The following SLC24A3 variants were observed in gnomAD, a reference collection of about 807,000 sequenced individuals.
The protein encoded by SLC24A3 is solute carrier family 24 member 3.
SLC24A3 carries 28 observed loss-of-function variants against 75.8 expected under a neutral mutation model. The observed-to-expected ratio is 0.37, with a 90% CI of 0.27 to 0.51. SLC24A3 has a LOEUF of 0.51. Among genes scored for constraint, SLC24A3 ranks in the 20% least tolerant of loss-of-function variants. SLC24A3 has a pLI of 0.94. For synonymous variants in SLC24A3, 372 were observed against 334.1 expected (o/e 1.11, Z -1.24); for missense variants, 663 against 847.8 (o/e 0.78, Z 2.71).
intron 2 of SLC24A3, among the ~76,000 whole-genome samples, chr20:19,321,956 C>T (rs1043078793): frequency 6.6e-6 from 1 of 152,118 alleles, no homozygotes; most frequent in African/African-American, 2.4e-5. Context: ...TGCAGAATGC[C>T]CCATGCTCTG....
At chr20:19,290,871 C>T (rs747539801) in intron 2 of SLC24A3, among the ~76,000 whole-genome samples, 1 of 152,218 alleles carries the variant, frequency 6.6e-6, no homozygotes, top group Non-Finnish European at 1.5e-5. Flanking sequence ...TATGTGTGTT[C>T]AGCACTACTC....
chr20:19,355,162 C>G (rs1289712554), intron 2 of SLC24A3: 1 of 152,238 alleles, frequency 6.6e-6, no homozygotes, highest in Non-Finnish European at 1.5e-5. Flanking sequence ...CTGTCCTCCA[C>G]ATGGCATCAG....
chr20:19,406,918 G>C (rs1986657053), intron 2 of SLC24A3, among the ~76,000 whole-genome samples: 1 of 152,182 alleles, frequency 6.6e-6, no homozygotes, highest in South Asian at 2.1e-4. Flanking sequence ...GATGTGAAGG[G>C]AGGGGTCCAG....
At position 19,304,478 on chromosome 20, in the gene SLC24A3, C is replaced by T. The variant is rs142126384; in HGVS notation, c.271+23391C>T. Among the ~76,000 whole-genome samples the T allele has an allele frequency of 2.4e-3, 364 of 152,212 alleles. 8 individuals carry two copies. The highest frequency in any genetic ancestry group is 0.021 in the South Asian group (103 of 4,832). On this transcript the variant is annotated intron_variant, in intron 2 of 16. Coordinates refer to ENST00000328041, the MANE Select transcript of SLC24A3 (RefSeq NM_020689.4). ...AAGACGTTCCATCTCATTTCCTATT[C>T]GTTAATTTGGTAGGCTTTTTTAATA...
chr20:19,304,262 G>T (rs2122250321), intron 2 of SLC24A3, among the ~76,000 whole-genome samples: 1 of 152,240 alleles, frequency 6.6e-6, no homozygotes, highest in Non-Finnish European at 1.5e-5. Context: ...CTTTTCTAGG[G>T]ATGGGATGGC....
intron 1 of SLC24A3, among the ~76,000 whole-genome samples, chr20:19,239,061 T>A (rs1489404125): frequency 6.6e-6 from 1 of 151,244 alleles, no homozygotes; most frequent in Non-Finnish European, 1.5e-5. Flanking sequence ...GGGAAAAGTG[T>A]TAGTTACACT....
chr20:19,715,287 A>G (rs545336883), intron 15 of SLC24A3, among the ~76,000 whole-genome samples: 1 of 152,182 alleles, frequency 6.6e-6, no homozygotes, highest in African/African-American at 2.4e-5. Context: ...CTTTATACCA[A>G]CCCAGCTGAT....
intron 2 of SLC24A3, among the ~76,000 whole-genome samples, chr20:19,294,413 A>G (rs1010049646): frequency 6.6e-6 from 1 of 152,110 alleles, no homozygotes; most frequent in African/African-American, 2.4e-5. Context: ...TGCATTAGCT[A>G]TTTATCCTGA....
chr20:19,635,816 T>G (rs1368127275), intron 6 of SLC24A3, among the ~76,000 whole-genome samples: 1 of 152,120 alleles, frequency 6.6e-6, no homozygotes, highest in African/African-American at 2.4e-5. Flanking sequence ...TCATGGCAGC[T>G]TAGGGCTCTG....
chr20:19,402,152 A>T (rs1003584685), intron 2 of SLC24A3, among the ~76,000 whole-genome samples: 4 of 152,236 alleles, frequency 2.6e-5, no homozygotes, highest in African/African-American at 9.6e-5. Flanking sequence ...GAGGAAAGAA[A>T]GAATTACTGC....
intron 15 of SLC24A3, among the ~76,000 whole-genome samples, chr20:19,707,320 A>G (rs2032941777): frequency 1.3e-5 from 2 of 152,328 alleles, no homozygotes; most frequent in Admixed American, 6.5e-5. Context: ...CTGCCTCCAC[A>G]GTAGCGGTAA....
At chr20:19,317,599 G>C (rs376859019) in intron 2 of SLC24A3, among the ~76,000 whole-genome samples, 1 of 151,994 alleles carries the variant, frequency 6.6e-6, no homozygotes, top group Admixed American at 6.6e-5. Flanking sequence ...CCCATCCCCC[G>C]CCCCAGGACA....
intron 2 of SLC24A3, among the ~76,000 whole-genome samples, chr20:19,396,157 T>C (rs1355693608): frequency 6.6e-6 from 1 of 152,228 alleles, no homozygotes; most frequent in African/African-American, 2.4e-5. Context: ...TTCTAATGGG[T>C]ATACAAGTTA....
intron 6 of SLC24A3, among the ~76,000 whole-genome samples, chr20:19,609,019 G>A (rs536720726): frequency 2.0e-5 from 3 of 152,238 alleles, no homozygotes; most frequent in Non-Finnish European, 2.9e-5. Flanking sequence ...CACGTACAAA[G>A]GCATTAATGA....
At chr20:19,395,426 C>T (rs1002741477) in intron 2 of SLC24A3, among the ~76,000 whole-genome samples, 2 of 152,180 alleles carry the variant, frequency 1.3e-5, no homozygotes, top group African/African-American at 4.8e-5. Flanking sequence ...TGGTATATAA[C>T]TCTGTCTAGT....
intron 2 of SLC24A3, among the ~76,000 whole-genome samples, chr20:19,296,072 C>T (rs73284606): frequency 0.02 from 3,064 of 152,032 alleles, 39 homozygotes; most frequent in African/African-American, 0.031. Context: ...AACTTATTCC[C>T]GGTTCAATCT....
At chr20:19,333,832 A>G (rs11697768) in intron 2 of SLC24A3, among the ~76,000 whole-genome samples, 47,424 of 152,018 alleles carry the variant, frequency 0.31, 7,913 homozygotes, top group Middle Eastern at 0.52. Flanking sequence ...TCCACCACAC[A>G]TGACTTGGTC....
At chr20:19,464,983 A>C (rs78467551) in intron 2 of SLC24A3, among the ~76,000 whole-genome samples, 6,533 of 152,312 alleles carry the variant, frequency 0.043, 460 homozygotes, top group African/African-American at 0.15. Context: ...TGTACCATCC[A>C]GTATGATAGC....
intron 1 of SLC24A3, chr20:19,244,269 A>C (rs1269511852): frequency 6.6e-6 from 1 of 152,180 alleles, no homozygotes; most frequent in Non-Finnish European, 1.5e-5. Flanking sequence ...CGTGCCTGGT[A>C]GGGCTACAAT....
Sources: allele counts gnomAD v4.1 joint callset (sites outside exome capture counted in the v4.1 genomes callset), GRCh38; gene constraint gnomAD v4.1.1; transcripts MANE v1.5; gene names NCBI Gene and HGNC (gene_info 2026-07-23, HGNC 2026-07-21).